PLXDC2: variants seen among roughly 807,000 people sequenced by gnomAD.
The protein encoded by PLXDC2 is plexin domain-containing protein 2.
In PLXDC2, 40 loss-of-function variants were observed where a neutral mutation model predicts 68.9. The ratio of observed to expected loss-of-function variants is 0.58; its 90% CI spans 0.45 to 0.76. PLXDC2 has a LOEUF of 0.76. Among genes scored for constraint, PLXDC2 ranks in the 30% least tolerant of loss-of-function variants. PLXDC2 has a pLI of 0.00. For missense variants in PLXDC2, 644 were observed against 661.9 expected (o/e 0.97, Z 0.30); for synonymous variants, 243 against 234.2 (o/e 1.04, Z -0.34).
intron 1 of PLXDC2, among the ~76,000 whole-genome samples, chr10:19,996,885 G>A (rs1011049262): frequency 6.6e-6 from 1 of 152,042 alleles, no homozygotes; most frequent in African/African-American, 2.4e-5. Flanking sequence ...GATCTCATGG[G>A]ACTTATTCAC....
intron 3 of PLXDC2, among the ~76,000 whole-genome samples, chr10:20,049,642 C>T (rs1466167044): frequency 6.6e-6 from 1 of 151,904 alleles, no homozygotes; most frequent in Admixed American, 6.6e-5. Context: ...CCTAGTAATA[C>T]AGCTAACCAG....
chr10:19,897,239 G>GTTT lies in PLXDC2; in HGVS notation c.112+80055_112+80057dup, dbSNP rs144184807. On this transcript the variant is annotated intron_variant, in intron 1 of 13. Transcript: ENST00000377252. ...ATGATTCCCTTCTCTTTTTTTTTTT[G>GTTT]TTTTTTTTTGTTTTCTTGAGACGGA... 1.1e-3 allele frequency among the ~76,000 whole-genome samples: 151 copies of GTTT among 139,926 alleles called. No homozygotes were observed. The Middle Eastern group carries it at 0.011, about 10-fold the overall frequency. The allele number at this position is 139,926 out of a possible 152,430, so 91.8% of individuals were successfully genotyped here.
chr10:20,269,481 T>C (rs1254052927), intron 13 of PLXDC2, among the ~76,000 whole-genome samples: 2 of 152,154 alleles, frequency 1.3e-5, no homozygotes, highest in Non-Finnish European at 2.9e-5. Context: ...AAGGGTGCTA[T>C]GTTCTGGCTA....
chr10:20,170,409 C>G (rs150892281), intron 7 of PLXDC2, among the ~76,000 whole-genome samples: 1 of 152,110 alleles, frequency 6.6e-6, no homozygotes. Context: ...AGGATGATCT[C>G]GAACTCCTGA....
chr10:20,062,633 ATG>A (rs1189557089), intron 3 of PLXDC2, among the ~76,000 whole-genome samples: 1 of 152,126 alleles, frequency 6.6e-6, no homozygotes, highest in African/African-American at 2.4e-5. Flanking sequence ...AGATGATAAA[ATG>A]TGTGTTTTAT....
chr10:19,947,193 T>C (rs1277531309), intron 1 of PLXDC2, among the ~76,000 whole-genome samples: 1 of 152,214 alleles, frequency 6.6e-6, no homozygotes, highest in Admixed American at 6.5e-5. Context: ...CCCTAGAGCC[T>C]GTAGAAAAAT....
rs562497438 is a variant in PLXDC2, at chr10:20,237,634, G to A, written c.1313-7711G>A. ...AATGGGTTAGGTACTGTTCCATGGG[G>A]GAATTCATGTCTGTGTGCATTTTTA... On this transcript the variant is annotated intron_variant, in intron 12 of 13. Coordinates refer to ENST00000377252, the MANE Select transcript of PLXDC2 (RefSeq NM_032812.9). 2.3e-4 allele frequency among the ~76,000 whole-genome samples: 35 copies of A among 152,226 alleles called. No homozygotes were observed. In the East Asian group the frequency reaches 6.4e-3, roughly 28 times the overall value.
intron 5 of PLXDC2, among the ~76,000 whole-genome samples, chr10:20,145,599 G>T (rs1330134851): frequency 1.3e-5 from 2 of 152,208 alleles, no homozygotes; most frequent in East Asian, 3.9e-4. Flanking sequence ...GCCCAGGCTG[G>T]ACTGCACTGG....
intron 4 of PLXDC2, among the ~76,000 whole-genome samples, chr10:20,115,758 T>G (rs1833613176): frequency 1.3e-5 from 2 of 152,300 alleles, no homozygotes; most frequent in South Asian, 4.1e-4. Flanking sequence ...AAAGTATTAT[T>G]TTAGTACGAT....
chr10:19,966,387 C>CACATATAAA (rs1834255185), intron 1 of PLXDC2, among the ~76,000 whole-genome samples: 2 of 146,108 alleles, frequency 1.4e-5, no homozygotes. Context: ...TATATGTGCA[C>CACATATAAA]ATATATAAAA....
At chr10:20,010,155 C>G (rs1442698222) in intron 2 of PLXDC2, among the ~76,000 whole-genome samples, 5 of 152,226 alleles carry the variant, frequency 3.3e-5, no homozygotes, top group East Asian at 1.9e-4. Context: ...GCAGAGTGGC[C>G]TGATGCTACC....
intron 9 of PLXDC2, among the ~76,000 whole-genome samples, chr10:20,194,242 C>G (rs1834808363): frequency 8.1e-6 from 1 of 122,826 alleles, no homozygotes; most frequent in African/African-American, 2.7e-5. Context: ...TTAAAATTCT[C>G]AAGCATGAAG....
In PLXDC2 at chr10:20,287,979, C is replaced by CCGGGGG. The variant is rs1554781439; in HGVS notation, c.*8160_*8161insCGGGGG. On this transcript the variant is annotated 3_prime_UTR_variant, in exon 14 of 14. Coordinates refer to ENST00000377252, the MANE Select transcript of PLXDC2 (RefSeq NM_032812.9). The stretch of plus-strand genomic sequence containing the variant: ...AGAAGAAATTGGGCACTTCTTGCGG[C>CCGGGGG]GGGGGAGGGGGGGGGGGCGGTGGCT... 2.4e-4 allele frequency: 3 copies of CCGGGGG among 12,396 alleles called. No homozygotes were observed. The highest frequency in any genetic ancestry group is 6.7e-4 in the African/African-American group (2 of 2,990). 0.8% of individuals were successfully genotyped at this position (12,396 alleles called of 1,614,324 possible).
At chr10:20,139,038 C>T (rs1833968291) in intron 4 of PLXDC2, among the ~76,000 whole-genome samples, 1 of 152,138 alleles carries the variant, frequency 6.6e-6, no homozygotes, top group Admixed American at 6.5e-5. Context: ...GTTAATAAAT[C>T]TATAATGATT....
At chr10:19,883,338 G>C (rs1479793985) in intron 1 of PLXDC2, among the ~76,000 whole-genome samples, 1 of 152,146 alleles carries the variant, frequency 6.6e-6, no homozygotes, top group Non-Finnish European at 1.5e-5. Context: ...CATGAGAGGT[G>C]TTTAGTTAGC....
chr10:20,004,898 AGGGG>A (rs1835001738), intron 2 of PLXDC2, among the ~76,000 whole-genome samples: 1 of 152,162 alleles, frequency 6.6e-6, no homozygotes. Context: ...AGGATGGCCC[AGGGG>A]ACTGTTTGGT....
At chr10:19,865,562 A>G (rs946979482) in intron 1 of PLXDC2, among the ~76,000 whole-genome samples, 3 of 152,116 alleles carry the variant, frequency 2.0e-5, no homozygotes, top group Non-Finnish European at 2.9e-5. Context: ...CTTCTCTGCC[A>G]TTTAGCCTCT....
chr10:20,273,474 G>T (rs2119387160), intron 13 of PLXDC2, among the ~76,000 whole-genome samples: 1 of 152,200 alleles, frequency 6.6e-6, no homozygotes, highest in African/African-American at 2.4e-5. Context: ...GCATATTTCA[G>T]AGTTCACAGA....
chr10:20,140,447 A>ATCTATCT (rs1564330268), intron 4 of PLXDC2, among the ~76,000 whole-genome samples: 1 of 150,742 alleles, frequency 6.6e-6, no homozygotes, highest in Non-Finnish European at 1.5e-5. Context: ...CTATCCGTCT[A>ATCTATCT]ATCTTTAGCT....
Sources: allele counts gnomAD v4.1 joint callset (sites outside exome capture counted in the v4.1 genomes callset), GRCh38; gene constraint gnomAD v4.1.1; transcripts MANE v1.5; gene names NCBI Gene and HGNC (gene_info 2026-07-23, HGNC 2026-07-21).